The following DSP variants were observed in gnomAD, a reference collection of about 807,000 sequenced individuals.
DSP encodes the protein desmoplakin.
Under a neutral mutation model 290.6 loss-of-function variants are expected in DSP, and 114 were observed. The observed-to-expected ratio is 0.39, with a 90% CI of 0.34 to 0.46. The LOEUF is 0.46. Ranked by LOEUF, DSP falls within the 20% of genes least tolerant of loss-of-function variation. The probability of loss-of-function intolerance (pLI) is 0.99; values close to 1 mark genes in which losing one functional copy is unlikely to be tolerated. For missense variants in DSP, 3,230 were observed against 3,495.8 expected (o/e 0.92, Z 1.92); for synonymous variants, 1,311 against 1,316.4 (o/e 1.00, Z 0.09).
intron 10 of DSP, among the ~76,000 whole-genome samples, chr6:7,568,156 A>G (rs891286560): frequency 3.3e-5 from 5 of 152,250 alleles, no homozygotes; most frequent in African/African-American, 9.6e-5. Context: ...ATTACTTCAC[A>G]TGACAATTCC....
At chr6:7,557,264 G>A (rs946322581) in intron 2 of DSP, among the ~76,000 whole-genome samples, 9 of 152,230 alleles carry the variant, frequency 5.9e-5, no homozygotes, top group Admixed American at 5.9e-4. Context: ...TAGTACAAAG[G>A]GGTCTCTACC....
chr6:7,584,747 A>T lies in DSP; in HGVS notation c.7485A>T (p.Glu2495Asp). ...TAATTGATTATGAAACCTTCAAAGA[A>T]CTGTGTGAGCAGGAATGTGAATGGG... The part of the protein sequence containing the change: ...KGLIDYETFK[E>D]LCEQECEWEE... The change falls in exon 24 of 24, where the codon GAA (glutamate) becomes GAT (aspartate). Residue 2495 changes from glutamate to aspartate, a missense_variant. Glu to Asp is a conservative substitution (Grantham distance 45). This residue lies in a region of DSP where 582 missense variants were observed against 555.4 expected (regional missense o/e 1.05). Transcript: ENST00000379802. This position sits in a 1 kb window ranked among gnomAD's most constrained non-coding sequence, Gnocchi z 6.4. The T allele has an allele frequency of 1.9e-6, 3 of 1,614,180 alleles. No homozygotes were observed. Among genetic ancestry groups the T allele is most frequent in the Non-Finnish European group, 1.7e-6 (2 of 1,180,026 alleles).
In DSP at chr6:7,582,565, A is replaced by C. The variant is rs1345569372; in HGVS notation, c.5380-77A>C. Reference sequence around the variant, plus strand: ...TTTTTTTTAAAGATAGATACACAAAAGAAAGTTAAGTCGTGATAGTAATAT... The same window carrying C: ...TTTTTTTTAAAGATAGATACACAAACGAAAGTTAAGTCGTGATAGTAATAT... On this transcript the variant is annotated intron_variant, in intron 23 of 23. Transcript: ENST00000379802. This position sits in a 1 kb window ranked among gnomAD's most constrained non-coding sequence, Gnocchi z 4.2. 7.7e-7 allele frequency: 1 copy of C among 1,299,056 alleles called. No homozygotes were observed. Among genetic ancestry groups the C allele is most frequent in the Non-Finnish European group, 1.1e-6 (1 of 909,828 alleles). 80.5% of individuals were successfully genotyped at this position (1,299,056 alleles called of 1,614,324 possible).
Position 7,572,019 on chromosome 6 carries a change from C to T in DSP, c.2081C>T (p.Ala694Val), listed in dbSNP as rs543446763. The change falls in exon 15 of 24, where the codon GCA (alanine) becomes GTA (valine). Residue 694 changes from alanine to valine, a missense_variant. Coordinates refer to ENST00000379802, the MANE Select transcript of DSP (RefSeq NM_004415.4). ...GRMTLKNLPLADQGSSHHITV... is the reference protein window; with the variant it reads ...GRMTLKNLPLVDQGSSHHITV... ...ATGACTCTCAAAAACCTCCCTCTAGCAGACCAGGGATCTTCTCACCACATC... is the reference window on the plus strand; with the variant it reads ...ATGACTCTCAAAAACCTCCCTCTAGTAGACCAGGGATCTTCTCACCACATC... 18 of 1,614,162 alleles carry T rather than the reference C, an allele frequency of 1.1e-5. No homozygotes were observed. Among genetic ancestry groups the T allele is most frequent in the Admixed American group, 1.7e-5 (1 of 60,026 alleles).
rs1330525226 is a variant in DSP, at chr6:7,584,322, A to G, written c.7060A>G (p.Met2354Val). ...AAACATCATCTCTTTGTTCCAAGCC[A>G]TGAATAAGGAACTCATCGAAAAGGG... is the stretch of plus-strand genomic sequence containing the variant. ...TGNIISLFQA[M>V]NKELIEKGHG... Residue 2354 changes from methionine (M) to valine (V), a missense_variant, in exon 24 of 24, where the codon ATG becomes GTG. By Grantham distance (21) the Met-to-Val change is conservative (BLOSUM62 1). Coordinates refer to ENST00000379802, the MANE Select transcript of DSP (RefSeq NM_004415.4). This position sits in a 1 kb window ranked among gnomAD's most constrained non-coding sequence, Gnocchi z 6.4. 6 of 1,614,242 alleles carry G rather than the reference A, an allele frequency of 3.7e-6. No homozygotes were observed.
Position 7,574,252 on chromosome 6 carries a change from G to A in DSP, c.2297G>A (p.Ser766Asn). 1 of 1,613,334 alleles carries A rather than the reference G, an allele frequency of 6.2e-7. No homozygotes were observed. Among genetic ancestry groups the A allele is most frequent in the Non-Finnish European group, 8.5e-7 (1 of 1,179,830 alleles). ...INGVTDGYLN[S>N]LCTVRALLQA... ...GGTGTTACAGATGGCTACTTAAATA[G>A]GTAAACTCAGCTAACACTAATCTCA... Residue 766 changes from serine (S) to asparagine (N), a missense_variant and splice_region_variant, in exon 16 of 24, where the codon AGC (serine) becomes AAC (asparagine). By Grantham distance (46) the Ser-to-Asn change is conservative (BLOSUM62 1). This residue lies in a region of DSP where 1,714 missense variants were observed against 1,844.5 expected (regional missense o/e 0.93). Coordinates refer to ENST00000379802, the MANE Select transcript of DSP (RefSeq NM_004415.4).
Position 7,585,113 on chromosome 6 carries a change from C to T in DSP, c.7851C>T (p.Ser2617=), listed in dbSNP as rs1468682231. The T allele has an allele frequency of 6.2e-7, 1 of 1,614,142 alleles. No homozygotes were observed. Among genetic ancestry groups the T allele is most frequent in the Admixed American group, 1.7e-5 (1 of 60,012 alleles). ...TTTCAGACACCCTGGAAGAATCGAG[C>T]CCCATTGCAGCCATCTTTGACACAG... The part of the protein sequence containing the change: ...SSFSDTLEES[S]PIAAIFDTEN... The change falls in exon 24 of 24, where the codon AGC becomes AGT. Residue 2617 remains serine (S), a synonymous_variant. Transcript: ENST00000379802.
intron 4 of DSP, among the ~76,000 whole-genome samples, chr6:7,561,566 G>C (rs1043721937): frequency 1.4e-4 from 22 of 152,234 alleles, no homozygotes; most frequent in African/African-American, 5.3e-4. Flanking sequence ...GGTCAGATAC[G>C]ATACACCTGG....
chr6:7,579,131 TTTGCCTAGTCACTC>T lies in DSP; in HGVS notation c.3085-141_3085-128del. 8.9e-7 allele frequency: 1 copy of T among 1,123,410 alleles called. No individual in the cohort carries two copies. The highest frequency in any genetic ancestry group is 1.3e-6 in the Non-Finnish European group (1 of 791,518). The allele number at this position is 1,123,410 out of a possible 1,614,324, so 69.6% of individuals were successfully genotyped here. A position where few individuals can be genotyped will look rare whatever the true frequency, so the allele number is the denominator to read the frequency against. On this transcript the variant is annotated intron_variant, in intron 22 of 23. Coordinates refer to ENST00000379802, the MANE Select transcript of DSP (RefSeq NM_004415.4). This position sits in a 1 kb window ranked among gnomAD's most constrained non-coding sequence, Gnocchi z 4.1. ...GATGAGAATCCAGATTTCTTGAATA[TTTGCCTAGTCACTC>T]TTTGCATGTATGTCCATGTGTGTAA...
chr6:7,568,804 T>G lies in DSP; in HGVS notation c.1419+215T>G, dbSNP rs551616990. On this transcript the variant is annotated intron_variant, in intron 11 of 23. Transcript: ENST00000379802. ...AGGACAGTAGTTATTTTTAGAACTTTTAAAAATTCGCAAGGCTTAATACTT... is the reference window on the plus strand; with the variant it reads ...AGGACAGTAGTTATTTTTAGAACTTGTAAAAATTCGCAAGGCTTAATACTT... Among the ~76,000 whole-genome samples, 18 of 152,338 alleles carry G rather than the reference T, an allele frequency of 1.2e-4. No homozygotes were observed. In the South Asian group the frequency reaches 3.7e-3, roughly 32 times the overall value.
chr6:7,559,343 G>C lies in DSP; in HGVS notation c.540G>C (p.Trp180Cys), dbSNP rs772451643. The stretch of plus-strand genomic sequence containing the variant: ...ACACTTGTCAGAGTGGCTCTGGCTG[G>C]GATGAGTTCACCAAACATGTCACCA... ...GGYTCQSGSGWDEFTKHVTSE... is the reference protein window; with the variant it reads ...GGYTCQSGSGCDEFTKHVTSE... Residue 180 changes from tryptophan to cysteine, a missense_variant, in exon 4 of 24, where the codon TGG (tryptophan) becomes TGC (cysteine). Coordinates refer to ENST00000379802, the MANE Select transcript of DSP (RefSeq NM_004415.4). 8 of 1,613,616 alleles carry C rather than the reference G, an allele frequency of 5.0e-6. No individual in the cohort carries two copies. Among genetic ancestry groups the C allele is most frequent in the Non-Finnish European group, 5.9e-6 (7 of 1,180,034 alleles).
chr6:7,579,841 G>C lies in DSP; in HGVS notation c.3651G>C (p.Thr1217=), dbSNP rs1057522191. The C allele has an allele frequency of 6.2e-7, 1 of 1,614,026 alleles. No individual in the cohort carries two copies. Among genetic ancestry groups the C allele is most frequent in the East Asian group, 2.2e-5 (1 of 44,864 alleles). The change falls in exon 23 of 24, where the codon ACG becomes ACC. Residue 1217 remains threonine, a synonymous_variant. Coordinates refer to ENST00000379802, the MANE Select transcript of DSP (RefSeq NM_004415.4). This position sits in a 1 kb window ranked among gnomAD's most constrained non-coding sequence, Gnocchi z 4.1. ...RNKYETEINI[T]KTTIKEISMQ... ...AGTATGAAACAGAGATTAACATTAC[G>C]AAGACCACCATCAAGGAGATATCCA...
In DSP at chr6:7,581,269, C is replaced by T. The variant is rs1167740200; in HGVS notation, c.5079C>T (p.Ser1693=). Residue 1693 remains serine, a synonymous_variant, in exon 23 of 24, where the codon AGC becomes AGT. Coordinates refer to ENST00000379802, the MANE Select transcript of DSP (RefSeq NM_004415.4). ...TCCAGAAGGCGATAGAAGATAAAAG[C>T]AGAAGCTTAAATGAAAGCAAAATAG... is the stretch of plus-strand genomic sequence containing the variant. ...EHFQKAIEDK[S]RSLNESKIEI... is the part of the protein sequence containing the mutation. 1 of 1,614,116 alleles carries T rather than the reference C, an allele frequency of 6.2e-7. No individual in the cohort carries two copies. Among genetic ancestry groups the T allele is most frequent in the South Asian group, 1.1e-5 (1 of 91,082 alleles).
chr6:7,551,484 C>T (rs550459607), intron 1 of DSP, among the ~76,000 whole-genome samples: 12 of 152,164 alleles, frequency 7.9e-5, no homozygotes, highest in Admixed American at 7.2e-4. Context: ...CAAAAATTAG[C>T]TTTGCGTGGT....
At chr6:7,566,840 C>T (rs1444476031) in intron 8 of DSP, among the ~76,000 whole-genome samples, 3 of 152,194 alleles carry the variant, frequency 2.0e-5, no homozygotes, top group Non-Finnish European at 4.4e-5. Flanking sequence ...TGACCGCTGC[C>T]CTAGACTGCC....
At position 7,584,199 on chromosome 6, in the gene DSP, G is replaced by A. The variant is rs1411539976; in HGVS notation, c.6937G>A (p.Glu2313Lys). 6.2e-7 allele frequency: 1 copy of A among 1,614,156 alleles called. No individual in the cohort carries two copies. Among genetic ancestry groups the A allele is most frequent in the African/African-American group, 1.3e-5 (1 of 75,034 alleles). ...DPVSNLRLPV[E>K]EAYKRGLVGI... is the part of the protein sequence containing the mutation. ...TGTTAGCAACTTGAGGTTACCAGTG[G>A]AGGAAGCCTACAAGAGAGGTCTGGT... The change falls in exon 24 of 24, where the codon GAG (glutamate) becomes AAG (lysine). Residue 2313 changes from glutamate (E) to lysine (K), a missense_variant. This residue lies in a region of DSP where 207 missense variants were observed against 281.2 expected (regional missense o/e 0.74). Transcript: ENST00000379802. The surrounding 1 kb of genome is among the most constrained non-coding windows in gnomAD (Gnocchi z 6.4).
In DSP at chr6:7,582,879, C is replaced by T. The variant is rs144392839; in HGVS notation, c.5617C>T (p.Arg1873Cys). 63 of 1,613,764 alleles carry T rather than the reference C, an allele frequency of 3.9e-5. No homozygotes were observed. The East Asian group carries it at 5.1e-4, about 13-fold the overall frequency. ...DLNQWKTQYS[R>C]KEEAIRKIES... ...GAATCAGTGGAAGACTCAATATTCC[C>T]GCAAGGAGGAGGCTATTAGGAAGAT... The change falls in exon 24 of 24, where the codon CGC (arginine) becomes TGC (cysteine). Residue 1873 changes from arginine (R) to cysteine (C), a missense_variant. Coordinates refer to ENST00000379802, the MANE Select transcript of DSP (RefSeq NM_004415.4). This position sits in a 1 kb window ranked among gnomAD's most constrained non-coding sequence, Gnocchi z 4.2.
At position 7,541,873 on chromosome 6, in the gene DSP, C is replaced by G. The variant is rs1465135902; in HGVS notation, c.-43C>G. On this transcript the variant is annotated 5_prime_UTR_variant, in exon 1 of 24. Transcript: ENST00000379802. ...GCTTTCTCCGCGCCGGCCCGCCTCGCTTATGCCTCGGCGCTGAGCCGCTCT... is the reference window on the plus strand; with the variant it reads ...GCTTTCTCCGCGCCGGCCCGCCTCGGTTATGCCTCGGCGCTGAGCCGCTCT... The G allele has an allele frequency of 1.9e-6, 3 of 1,583,352 alleles. No homozygotes were observed. Among genetic ancestry groups the G allele is most frequent in the Non-Finnish European group, 2.6e-6 (3 of 1,166,868 alleles).
intron 1 of DSP, among the ~76,000 whole-genome samples, chr6:7,548,447 C>T (rs557096411): frequency 6.6e-6 from 1 of 152,204 alleles, no homozygotes; most frequent in East Asian, 1.9e-4. Flanking sequence ...CAGTGGATGT[C>T]ACTTTAAGTT....
Sources: allele counts gnomAD v4.1 joint callset (sites outside exome capture counted in the v4.1 genomes callset), GRCh38; gene constraint gnomAD v4.1.1; regional missense constraint gnomAD v4.1.1; non-coding constraint Gnocchi (gnomAD v3.1); transcripts MANE v1.5; gene names NCBI Gene and HGNC (gene_info 2026-07-23, HGNC 2026-07-21).